Variants in OGFRL1 observed in about 807,000 individuals in gnomAD.
OGFRL1 encodes the protein opioid growth factor receptor like 1, also known as opioid growth factor receptor-like protein 1.
OGFRL1 carries 26 observed loss-of-function variants against 32.4 expected under a neutral mutation model. The observed-to-expected ratio is 0.80, with a 90% confidence interval of 0.59 to 1.11. OGFRL1 has a LOEUF of 1.11. Among genes scored for constraint, OGFRL1 ranks in the 50% most tolerant of loss-of-function variants. OGFRL1 has a pLI of 0.00. For synonymous variants in OGFRL1, 211 were observed against 201.2 expected (o/e 1.05, Z -0.41); for missense variants, 521 against 546.4 (o/e 0.95, Z 0.46).
At position 71,301,473 on chromosome 6, in the gene OGFRL1, AT is replaced by A. The variant is rs1554151004; in HGVS notation, c.783del (p.Phe261LeufsTer20). ...AAAGTTTTAAATCTCCTCTTGTAAA[AT>A]TTATTCTTCATGAAGCTCTTGTGGA... The part of the protein sequence containing the change: ...YESFKSPLVK[F>X]ILHEALVENT... On this transcript the variant is annotated frameshift_variant, in exon 7 of 7. Coordinates refer to ENST00000370435, the MANE Select transcript of OGFRL1 (RefSeq NM_024576.5). LOFTEE classifies it low-confidence loss of function (END_TRUNC). 30 of 1,612,998 alleles carry A rather than the reference AT, an allele frequency of 1.9e-5. No homozygotes were observed. Among genetic ancestry groups the A allele is most frequent in the Non-Finnish European group, 2.5e-5 (29 of 1,179,718 alleles).
At chr6:71,300,643 A>T (rs1381164053) in intron 6 of OGFRL1, among the ~76,000 whole-genome samples, 1 of 152,186 alleles carries the variant, frequency 6.6e-6, no homozygotes, top group Non-Finnish European at 1.5e-5. Context: ...CTATATACCC[A>T]GCATGTGTAT....
At chr6:71,300,810 T>G (rs747134155) in intron 6 of OGFRL1, among the ~76,000 whole-genome samples, 7 of 152,212 alleles carry the variant, frequency 4.6e-5, no homozygotes, top group Non-Finnish European at 1.0e-4. Context: ...GCCCATGCTC[T>G]TAACTGTTAA....
rs749324254 is a variant in OGFRL1, at chr6:71,301,981, G to A, written c.1288G>A (p.Gly430Arg). Residue 430 changes from glycine (G) to arginine (R), a missense_variant, in exon 7 of 7, where the codon GGA becomes AGA. Physicochemically the swap from Gly to Arg is moderately radical, Grantham distance 125 (BLOSUM62 -2). Transcript: ENST00000370435. ...SVSPENNEEG[G>R]NDNQDNENPG... is the part of the protein sequence containing the mutation. ...ATCTCCTGAGAATAACGAAGAAGGT[G>A]GAAATGATAACCAAGACAATGAAAA... 19 of 1,606,296 alleles carry A rather than the reference G, an allele frequency of 1.2e-5. No individual in the cohort carries two copies. Among genetic ancestry groups the A allele is most frequent in the South Asian group, 2.2e-5 (2 of 89,608 alleles).
intron 3 of OGFRL1, 112 bp downstream of exon 3, chr6:71,293,723 T>C (rs1456627777): frequency 1.0e-5 from 7 of 684,484 alleles, no homozygotes; most frequent in East Asian, 2.7e-5. Flanking sequence ...TGCAGTCTAA[T>C]GTGTCCCCTT....
chr6:71,293,293 G>C lies in OGFRL1; in HGVS notation c.235G>C (p.Gly79Arg). 1 of 1,612,414 alleles carries C rather than the reference G, an allele frequency of 6.2e-7. No individual in the cohort carries two copies. The highest frequency in any genetic ancestry group is 8.5e-7 in the Non-Finnish European group (1 of 1,179,142). The change falls in exon 2 of 7, where the codon GGT becomes CGT. Residue 79 changes from glycine to arginine, a missense_variant and splice_region_variant. Coordinates refer to ENST00000370435, the MANE Select transcript of OGFRL1 (RefSeq NM_024576.5). ...AACGGAGTTTCACCTTTTATTTCAG[G>C]GTGGTGATTCCACTGAAGCAACTGC... ...EDAEAAGAEQ[G>R]GDSTEATAKP...
At position 71,306,299 on chromosome 6, in the gene OGFRL1, G is replaced by A. The variant is rs546067556; in HGVS notation, c.*4250G>A. 6.6e-6 allele frequency: 1 copy of A among 152,202 alleles called. No individual in the cohort carries two copies. The highest frequency in any genetic ancestry group is 2.1e-4 in the South Asian group (1 of 4,822). 9.4% of individuals were successfully genotyped at this position (152,202 alleles called of 1,614,324 possible). The stretch of plus-strand genomic sequence containing the variant: ...TTTGAGTTTTGTACTGTTTATTACA[G>A]GAACATATTTGTGTGGCTAATCTCT... On this transcript the variant is annotated 3_prime_UTR_variant, in exon 7 of 7. Coordinates refer to ENST00000370435, the MANE Select transcript of OGFRL1 (RefSeq NM_024576.5).
At chr6:71,293,207 T>C in intron 1 of OGFRL1, 86 bp from the exon 2 acceptor site, 1 of 1,075,874 alleles carries the variant, frequency 9.3e-7, no homozygotes, top group Non-Finnish European at 1.4e-6. Context: ...GCTTTCTTTA[T>C]GGATCTTCCT....
At chr6:71,293,445 G>C in intron 2 of OGFRL1, 66 bp downstream of exon 2, 1 of 1,568,670 alleles carries the variant, frequency 6.4e-7, no homozygotes, top group Non-Finnish European at 8.7e-7. Flanking sequence ...AATTTTTATG[G>C]TGCCACTGAG....
chr6:71,297,554 T>C (rs1766249631), intron 6 of OGFRL1, among the ~76,000 whole-genome samples: 1 of 152,036 alleles, frequency 6.6e-6, no homozygotes, highest in Non-Finnish European at 1.5e-5. Context: ...TATAGTTACA[T>C]TTAAACTAAT....
chr6:71,289,551 A>T (rs1372430986), intron 1 of OGFRL1: 3 of 379,600 alleles, frequency 7.9e-6, no homozygotes, highest in African/African-American at 2.7e-5. Flanking sequence ...TTATTGGTAA[A>T]AAAAAAAAAA....
At position 71,301,558 on chromosome 6, in the gene OGFRL1, G is replaced by A; in HGVS notation, c.865G>A (p.Asp289Asn). 1 of 1,614,156 alleles carries A rather than the reference G, an allele frequency of 6.2e-7. No individual in the cohort carries two copies. The highest frequency in any genetic ancestry group is 1.1e-5 in the South Asian group (1 of 91,086). Residue 289 changes from aspartate to asparagine, a missense_variant, in exon 7 of 7, where the codon GAC (aspartate) becomes AAC (asparagine). By Grantham distance (23) the Asp-to-Asn change is conservative (BLOSUM62 1). Coordinates refer to ENST00000370435, the MANE Select transcript of OGFRL1 (RefSeq NM_024576.5). ...AGAGTATTTTGTTTATACAATTAGAGACAGAAGAGAAAGGAGAAAGCTCCT... is the reference window on the plus strand; with the variant it reads ...AGAGTATTTTGTTTATACAATTAGAAACAGAAGAGAAAGGAGAAAGCTCCT... ...ALEYFVYTIR[D>N]RRERRKLLRF...
In OGFRL1 at chr6:71,296,504, C is replaced by T; in HGVS notation, c.489C>T (p.Pro163=). 1 of 1,609,120 alleles carries T rather than the reference C, an allele frequency of 6.2e-7. No homozygotes were observed. Among genetic ancestry groups the T allele is most frequent in the Non-Finnish European group, 8.5e-7 (1 of 1,177,952 alleles). The change falls in exon 5 of 7, where the codon CCC becomes CCT. Residue 163 remains proline (P), a synonymous_variant. Coordinates refer to ENST00000370435, the MANE Select transcript of OGFRL1 (RefSeq NM_024576.5). Reference sequence around the variant, plus strand: ...TTTTTAAAATAAATAGGCTTTTCCCCCTGAGAGAACAAGGCTTGAACTTCT... The same window carrying T: ...TTTTTAAAATAAATAGGCTTTTCCCTCTGAGAGAACAAGGCTTGAACTTCT... The part of the protein sequence containing the change: ...HNHTYIQWLF[P]LREQGLNFYA...
At position 71,289,548 on chromosome 6, in the gene OGFRL1, T is replaced by TAAAAAAA. The variant is rs1158690810; in HGVS notation, c.234+404_234+410dup. 1.8e-3 allele frequency: 973 copies of TAAAAAAA among 540,800 alleles called. 7 individuals are homozygous for TAAAAAAA. Among genetic ancestry groups the TAAAAAAA allele is most frequent in the African/African-American group, 9.1e-3 (190 of 20,848 alleles). The allele number at this position is 540,800 out of a possible 1,614,324, so 33.5% of individuals were successfully genotyped here. A position where few individuals can be genotyped will look rare whatever the true frequency, so the allele number is the denominator to read the frequency against. On this transcript the variant is annotated intron_variant, in intron 1 of 6. Coordinates refer to ENST00000370435, the MANE Select transcript of OGFRL1 (RefSeq NM_024576.5). ...CAACCCCTCTAGTGTGTGTTATTGGTAAAAAAAAAAAAAAAAAAAAAAAAA... is the reference window on the plus strand; with the variant it reads ...CAACCCCTCTAGTGTGTGTTATTGGTAAAAAAAAAAAAAAAAAAAAAAAAAAAAAAAA...
intron 3 of OGFRL1, among the ~76,000 whole-genome samples, chr6:71,294,978 C>A (rs898233811): frequency 2.6e-5 from 4 of 151,942 alleles, no homozygotes; most frequent in African/African-American, 4.8e-5. Flanking sequence ...TAATTTCAAG[C>A]AATATATTGA....
chr6:71,295,047 G>A (rs1004736042), intron 3 of OGFRL1: 1 of 152,130 alleles, frequency 6.6e-6, no homozygotes, highest in African/African-American at 2.4e-5. Flanking sequence ...GTGGGGGTCA[G>A]AAGTTTTAGC....
At chr6:71,291,286 G>A (rs1766043458) in intron 1 of OGFRL1, 1 of 152,218 alleles carries the variant, frequency 6.6e-6, no homozygotes, top group Non-Finnish European at 1.5e-5. Context: ...ACTTATTGGT[G>A]AAGTTCACAA....
chr6:71,293,365 C>G lies in OGFRL1; in HGVS notation c.307C>G (p.Arg103Gly). 6.2e-7 allele frequency: 1 copy of G among 1,613,580 alleles called. No homozygotes were observed. Among genetic ancestry groups the G allele is most frequent in the Non-Finnish European group, 8.5e-7 (1 of 1,179,704 alleles). The change falls in exon 2 of 7, where the codon CGA becomes GGA. Residue 103 changes from arginine (R) to glycine (G), a missense_variant. By Grantham distance (125) the Arg-to-Gly change is moderately radical. Transcript: ENST00000370435. Reference protein sequence around the residue: ...FYAARDLYKYRHQYPNFKDIR... With the variant: ...FYAARDLYKYGHQYPNFKDIR... Reference sequence around the variant, plus strand: ...TGCTGCCAGGGATTTGTACAAGTACCGACACCAGTACCCAGTAAGAGTATA... The same window carrying G: ...TGCTGCCAGGGATTTGTACAAGTACGGACACCAGTACCCAGTAAGAGTATA...
At chr6:71,291,593 G>A (rs1442763204) in intron 1 of OGFRL1, 1 of 152,224 alleles carries the variant, frequency 6.6e-6, no homozygotes, top group Non-Finnish European at 1.5e-5. Flanking sequence ...GTCTGAGCAG[G>A]TGAAAGGGGT....
intron 1 of OGFRL1, chr6:71,291,554 G>C (rs545101395): frequency 2.0e-5 from 3 of 152,378 alleles, no homozygotes; most frequent in East Asian, 3.9e-4. Flanking sequence ...ATCCAGGAAA[G>C]AGGAACAATA....
Sources: allele counts gnomAD v4.1 joint callset (sites outside exome capture counted in the v4.1 genomes callset), GRCh38; gene constraint gnomAD v4.1.1; transcripts MANE v1.5; gene names NCBI Gene and HGNC (gene_info 2026-07-23, HGNC 2026-07-21).